Variants in PHC2 observed in about 807,000 individuals in gnomAD.
The protein encoded by PHC2 is polyhomeotic-like protein 2.
In PHC2, 29 loss-of-function variants were observed where a neutral mutation model predicts 87.4. The observed-to-expected ratio is 0.33, with a 90% confidence interval of 0.25 to 0.45. The LOEUF is 0.45. PHC2 is among the 20% of genes least tolerant of loss of function. The pLI is 1.00. For synonymous variants in PHC2, 438 were observed against 461.7 expected, an observed-to-expected ratio of 0.95 and a Z score of 0.66; for missense variants, 857 against 1,136.7, an observed-to-expected ratio of 0.75 and a Z score of 3.54.
At chr1:33,327,050 A>T (rs1029785729) in intron 14 of PHC2, among the ~76,000 whole-genome samples, 5 of 152,234 alleles carry the variant, frequency 3.3e-5, no homozygotes, top group African/African-American at 1.2e-4. Context: ...TTCACAGAAA[A>T]GGAAGGAGAA....
chr1:33,333,077 C>G (rs1312381664), intron 10 of PHC2, among the ~76,000 whole-genome samples: 1 of 152,156 alleles, frequency 6.6e-6, no homozygotes, highest in African/African-American at 2.4e-5. Flanking sequence ...CCCATGAGAT[C>G]AGGTGGTTTC....
At chr1:33,417,061 G>A (rs2148399996) in intron 1 of PHC2, among the ~76,000 whole-genome samples, 1 of 152,088 alleles carries the variant, frequency 6.6e-6, no homozygotes, top group Non-Finnish European at 1.5e-5. Context: ...ATTATTTGGA[G>A]ATAGATAGGG....
intron 2 of PHC2, among the ~76,000 whole-genome samples, chr1:33,372,720 G>A (rs1048196302): frequency 3.3e-5 from 5 of 152,200 alleles, no homozygotes; most frequent in African/African-American, 1.2e-4. Flanking sequence ...CCTCGGTGAG[G>A]AGAATCAGAG....
intron 1 of PHC2, among the ~76,000 whole-genome samples, chr1:33,399,667 T>C (rs900403175): frequency 1.3e-5 from 2 of 152,072 alleles, no homozygotes; most frequent in Non-Finnish European, 2.9e-5. Context: ...GAAATTTCTA[T>C]AGTAAGGCCC....
At chr1:33,383,012 T>C (rs997337749) in intron 1 of PHC2, among the ~76,000 whole-genome samples, 2 of 152,196 alleles carry the variant, frequency 1.3e-5, no homozygotes, top group Non-Finnish European at 2.9e-5. Context: ...CTGCTGGTAT[T>C]ATCATGAGGC....
Position 33,364,036 on chromosome 1 carries a change from G to A in PHC2, c.976+3080C>T, listed in dbSNP as rs1647288420. Reference sequence around the variant, plus strand: ...CCCCCACCCCTATTCTCGGCATAAGGGACCTTTTCTATTTGCAGAGCCTGA... The same window carrying A: ...CCCCCACCCCTATTCTCGGCATAAGAGACCTTTTCTATTTGCAGAGCCTGA... On this transcript the variant is annotated intron_variant, in intron 7 of 14. Transcript: ENST00000683057. The surrounding 1 kb of genome is among the most constrained non-coding windows in gnomAD (Gnocchi z 4.1). 3 of 345,660 alleles carry A rather than the reference G, an allele frequency of 8.7e-6. No individual in the cohort carries two copies. Among genetic ancestry groups the A allele is most frequent in the Non-Finnish European group, 8.2e-6 (2 of 245,350 alleles). The allele number at this position is 345,660 out of a possible 1,614,324, so 21.4% of individuals were successfully genotyped here.
chr1:33,347,206 G>A (rs1646860659), intron 9 of PHC2: 2 of 985,268 alleles, frequency 2.0e-6, no homozygotes, highest in Admixed American at 1.2e-4. Context: ...GAAATCTCAG[G>A]GTCAGTCCGC....
At chr1:33,430,216 G>A (rs746736974) in intron 1 of PHC2, among the ~76,000 whole-genome samples, 2 of 152,168 alleles carry the variant, frequency 1.3e-5, no homozygotes, top group Non-Finnish European at 2.9e-5. Flanking sequence ...TGACAGACCC[G>A]ATCCAGGTGT....
chr1:33,426,317 TG>T (rs34820645), intron 1 of PHC2, among the ~76,000 whole-genome samples: 27,361 of 149,254 alleles, frequency 0.18, 2,918 homozygotes, highest in South Asian at 0.27. Context: ...TCAAAGCTGC[TG>T]GGGGGGGGTC....
rs776559838 is a variant in PHC2, at chr1:33,367,149, G to A, written c.943C>T (p.Pro315Ser). ...EGRAGLSRTV[P>S]AVAAHPLIAP... is the part of the protein sequence containing the mutation. The stretch of plus-strand genomic sequence containing the variant: ...ATGAGGGGGTGGGCAGCCACAGCAG[G>A]AACCGTCCGGCTGAGCCCAGCCCGG... The change falls in exon 7 of 15, where the codon CCT (proline) becomes TCT (serine). Residue 315 changes from proline to serine, a missense_variant. Transcript: ENST00000683057. 61 of 1,612,470 alleles carry A rather than the reference G, an allele frequency of 3.8e-5. No homozygotes were observed. The highest frequency in any genetic ancestry group is 4.7e-5 in the Non-Finnish European group (56 of 1,179,044).
At position 33,375,567 on chromosome 1, in the gene PHC2, C is replaced by T; in HGVS notation, c.-28G>A. The T allele has an allele frequency of 6.8e-7, 1 of 1,460,110 alleles. No homozygotes were observed. The highest frequency in any genetic ancestry group is 1.4e-5 in the African/African-American group (1 of 69,746). 90.4% of individuals were successfully genotyped at this position (1,460,110 alleles called of 1,614,324 possible). ...CCTGCAGTGTGGCGCAGTCAGGGCG[C>T]TCGGATGGCAGAAGGGCAGGCAGAT... On this transcript the variant is annotated 5_prime_UTR_variant, in exon 2 of 15. Transcript: ENST00000683057.
At chr1:33,389,073 A>AGG (rs1557842860) in intron 1 of PHC2, among the ~76,000 whole-genome samples, 1 of 59,712 alleles carries the variant, frequency 1.7e-5, no homozygotes, top group Non-Finnish European at 5.0e-5. Flanking sequence ...AAAAAAAAAA[A>AGG]AAGAAAGAAA....
chr1:33,392,167 G>GCGCACA (rs1553188853), intron 1 of PHC2, among the ~76,000 whole-genome samples: 2 of 150,250 alleles, frequency 1.3e-5, no homozygotes, highest in Non-Finnish European at 3.0e-5. Flanking sequence ...ACACATACGT[G>GCGCACA]CACACACACA....
chr1:33,368,211 T>C lies in PHC2; in HGVS notation c.663+325A>G, dbSNP rs1411482269. Reference sequence around the variant, plus strand: ...TAACCGGAGCGGGACTTTCCACTTATGAAGCAGCAGCAGCCAGACCAGCTA... The same window carrying C: ...TAACCGGAGCGGGACTTTCCACTTACGAAGCAGCAGCAGCCAGACCAGCTA... On this transcript the variant is annotated intron_variant, in intron 6 of 14. Transcript: ENST00000683057. The surrounding 1 kb of genome is among the most constrained non-coding windows in gnomAD (Gnocchi z 6.6). Among the ~76,000 whole-genome samples, 1 of 152,340 alleles carries C rather than the reference T, an allele frequency of 6.6e-6. No individual in the cohort carries two copies. Among genetic ancestry groups the C allele is most frequent in the East Asian group, 1.9e-4 (1 of 5,176 alleles).
chr1:33,364,516 AG>A lies in PHC2; in HGVS notation c.976+2599del, dbSNP rs1180755479. On this transcript the variant is annotated intron_variant, in intron 7 of 14. Transcript: ENST00000683057. The surrounding 1 kb of genome is among the most constrained non-coding windows in gnomAD (Gnocchi z 4.1). ...AGGAGGCCAGAAGTCACCTCTGCCCAGGGAACTGTATAGCCCAAGACAGGTG... is the reference window on the plus strand; with the variant it reads ...AGGAGGCCAGAAGTCACCTCTGCCCAGGAACTGTATAGCCCAAGACAGGTG... Among the ~76,000 whole-genome samples the A allele has an allele frequency of 4.6e-5, 7 of 152,144 alleles. No individual in the cohort carries two copies. The highest frequency in any genetic ancestry group is 1.0e-4 in the Non-Finnish European group (7 of 68,008).
chr1:33,341,004 A>G (rs1646734558), intron 9 of PHC2, among the ~76,000 whole-genome samples: 3 of 152,090 alleles, frequency 2.0e-5, no homozygotes, highest in Admixed American at 1.3e-4. Context: ...TGAGTTTAAC[A>G]TCTTAAATGT....
At position 33,332,441 on chromosome 1, in the gene PHC2, G is replaced by T. The variant is rs757079062; in HGVS notation, c.1762-37C>A. 1 of 1,613,442 alleles carries T rather than the reference G, an allele frequency of 6.2e-7. No homozygotes were observed. The highest frequency in any genetic ancestry group is 1.1e-5 in the South Asian group (1 of 91,058). ...GTAACACGGAGGCCGTGAGGGTCAG[G>T]TGGGAGCGGCTTCCTTGCTATCCAT... On this transcript the variant is annotated intron_variant, in intron 10 of 14. Transcript: ENST00000683057. This position sits in a 1 kb window ranked among gnomAD's most constrained non-coding sequence, Gnocchi z 4.2.
At chr1:33,411,263 T>C (rs1193888590) in intron 1 of PHC2, among the ~76,000 whole-genome samples, 1 of 152,198 alleles carries the variant, frequency 6.6e-6, no homozygotes, top group Non-Finnish European at 1.5e-5. Flanking sequence ...AAATCACTAA[T>C]CAAGAAATCT....
chr1:33,430,113 T>C (rs1163807195), intron 1 of PHC2, among the ~76,000 whole-genome samples: 1 of 152,030 alleles, frequency 6.6e-6, no homozygotes, highest in Non-Finnish European at 1.5e-5. Context: ...GACACTTCTG[T>C]AGCAGACCTG....
Sources: gnomAD v4.1 joint callset for allele counts (sites outside exome capture counted in the v4.1 genomes callset) on GRCh38, gnomAD v4.1.1 for gene constraint, Gnocchi (gnomAD v3.1) non-coding constraint, MANE v1.5 for transcripts, NCBI Gene and HGNC (gene_info 2026-07-23, HGNC 2026-07-21) for gene names.